Variants in ADCY9 observed in about 807,000 individuals in gnomAD.
ADCY9 encodes the protein adenylate cyclase 9.
ADCY9 carries 50 observed loss-of-function variants against 101.5 expected under a neutral mutation model. The ratio of observed to expected loss-of-function variants is 0.49; its 90% CI spans 0.39 to 0.62. ADCY9 has a LOEUF of 0.62. Among genes scored for constraint, ADCY9 ranks in the 20% least tolerant of loss-of-function variants. The pLI is 0.00. For synonymous variants in ADCY9, 905 were observed against 769.3 expected (o/e 1.18, Z -2.92); for missense variants, 1,662 against 1,800.4 (o/e 0.92, Z 1.39).
rs56822318 is a variant in ADCY9 at position 4,115,818 on chromosome 16, C to T, written c.-172G>A. 1,034 of 402,828 alleles carry T rather than the reference C, an allele frequency of 2.6e-3. 5 individuals carry two copies. The highest frequency in any genetic ancestry group is 0.018 in the African/African-American group (889 of 48,546). The allele number at this position is 402,828 out of a possible 1,614,324, so 25.0% of individuals were successfully genotyped here. A position where few individuals can be genotyped will look rare whatever the true frequency, so the allele number is the denominator to read the frequency against. On this transcript the variant is annotated 5_prime_UTR_variant, in exon 1 of 11. Transcript: ENST00000294016. This position sits in a 1 kb window ranked among gnomAD's most constrained non-coding sequence, Gnocchi z 6.2. ...GCGGCTTCTCCTCCTCGCGCGCTCGCCTCCTCCAGCTGCGGCTCCGGAGGG... is the reference window on the plus strand; with the variant it reads ...GCGGCTTCTCCTCCTCGCGCGCTCGTCTCCTCCAGCTGCGGCTCCGGAGGG...
At position 4,004,310 on chromosome 16, in the gene ADCY9, A is replaced by G. The variant is rs145266527; in HGVS notation, c.1884+3058T>C. On this transcript the variant is annotated intron_variant, in intron 3 of 10. Transcript: ENST00000294016. ...TTGGGTGTAGAAAGGGTTCCCTTTG[A>G]GCTATGACTTCAGGACCAAAGCCCT... Among the ~76,000 whole-genome samples, 76 of 149,898 alleles carry G rather than the reference A, an allele frequency of 5.1e-4. No individual in the cohort carries two copies. In the East Asian group the frequency reaches 0.015, roughly 29 times the overall value.
chr16:4,072,998 A>AAAG (rs1441975692), intron 2 of ADCY9, among the ~76,000 whole-genome samples: 1 of 72,322 alleles, frequency 1.4e-5, no homozygotes, highest in Non-Finnish European at 3.9e-5. Context: ...CTAAAAGAAA[A>AAAG]AAAAAAAAAA....
intron 2 of ADCY9, among the ~76,000 whole-genome samples, chr16:4,028,350 C>T (rs2056531794): frequency 6.6e-6 from 1 of 152,124 alleles, no homozygotes; most frequent in African/African-American, 2.4e-5. Flanking sequence ...GGGAATAATC[C>T]ACGTGTCCAG....
At chr16:4,012,690 C>T (rs921624585) in intron 2 of ADCY9, among the ~76,000 whole-genome samples, 3 of 152,070 alleles carry the variant, frequency 2.0e-5, no homozygotes, top group Non-Finnish European at 4.4e-5. Flanking sequence ...TGGCTGTGTG[C>T]GTGGAGGTTA....
In ADCY9 at chr16:3,991,901, T is replaced by C. The variant is rs1304112401; in HGVS notation, c.2207+245A>G. ...GCCTGGCCAACATGATGAAACTCCA[T>C]CTCTACTAAAAATACAAAACCTAGC... On this transcript the variant is annotated intron_variant, in intron 5 of 10. Coordinates refer to ENST00000294016, the MANE Select transcript of ADCY9 (RefSeq NM_001116.4). Among the ~76,000 whole-genome samples the C allele has an allele frequency of 2.0e-5, 3 of 149,742 alleles. No individual in the cohort carries two copies. In the Admixed American group the frequency reaches 2.0e-4, roughly 10 times the overall value.
At chr16:3,956,592 G>A (rs1295816586) in intron 5 of ADCY9, among the ~76,000 whole-genome samples, 1 of 145,410 alleles carries the variant, frequency 6.9e-6, no homozygotes, top group African/African-American at 2.6e-5. Flanking sequence ...CCAGGTTCAA[G>A]CGATTCTCCT....
intron 6 of ADCY9, among the ~76,000 whole-genome samples, chr16:3,987,891 C>G (rs765457216): frequency 6.6e-6 from 1 of 152,168 alleles, no homozygotes; most frequent in Non-Finnish European, 1.5e-5. Context: ...AGTCTGGAAG[C>G]CGCCAGGATT....
At chr16:4,095,531 C>A (rs947719976) in intron 2 of ADCY9, among the ~76,000 whole-genome samples, 1 of 152,268 alleles carries the variant, frequency 6.6e-6, no homozygotes. Context: ...CTTGCCAACA[C>A]AGTGAAATTC....
intron 2 of ADCY9, among the ~76,000 whole-genome samples, chr16:4,067,772 C>A (rs1052454439): frequency 2.0e-5 from 3 of 152,164 alleles, no homozygotes; most frequent in African/African-American, 7.2e-5. Context: ...GGACTGCAAC[C>A]TCCCAAACAC....
intron 2 of ADCY9, among the ~76,000 whole-genome samples, chr16:4,070,596 G>A (rs767128607): frequency 7.2e-5 from 11 of 151,908 alleles, no homozygotes; most frequent in East Asian, 1.9e-4. Flanking sequence ...CAGGAGGATC[G>A]CTTGAGTCCA....
intron 9 of ADCY9, among the ~76,000 whole-genome samples, chr16:3,975,784 T>C (rs1004242270): frequency 2.6e-5 from 4 of 152,182 alleles, no homozygotes; most frequent in African/African-American, 4.8e-5. Flanking sequence ...TAAGCAGTTA[T>C]AGGAAAAGCC....
chr16:3,992,154 T>C lies in ADCY9; in HGVS notation c.2199A>G (p.Lys733=), dbSNP rs1451352850. The C allele has an allele frequency of 6.2e-7, 1 of 1,614,108 alleles. No homozygotes were observed. ...GACAGCCCCAGTCGTACCTGTCTTC[T>C]TTGATAACGTCCACAAAGTGGGCGT... ...KTDAHFVDVI[K]EDSLMKDYFF... The change falls in exon 5 of 11, where the codon AAA becomes AAG. Residue 733 remains lysine, a synonymous_variant. Transcript: ENST00000294016. The surrounding 1 kb of genome is among the most constrained non-coding windows in gnomAD (Gnocchi z 4.2).
chr16:3,992,805 G>A lies in ADCY9; in HGVS notation c.1990-442C>T, dbSNP rs941096572. ...AGGCAAGGTGGATGGAAACGGGCTC[G>A]TGTCGTGGGTGTCCCCCGTGGCTGT... On this transcript the variant is annotated intron_variant, in intron 4 of 10. Transcript: ENST00000294016. The surrounding 1 kb of genome is among the most constrained non-coding windows in gnomAD (Gnocchi z 4.2). Among the ~76,000 whole-genome samples the A allele has an allele frequency of 2.0e-5, 3 of 152,160 alleles. No homozygotes were observed. Among genetic ancestry groups the A allele is most frequent in the South Asian group, 2.1e-4 (1 of 4,822 alleles).
intron 2 of ADCY9, among the ~76,000 whole-genome samples, chr16:4,099,241 G>GT (rs1054018679): frequency 7.2e-5 from 11 of 151,922 alleles, no homozygotes; most frequent in African/African-American, 9.7e-5. Flanking sequence ...CCTTTTTATT[G>GT]TTTTTTTATC....
chr16:4,080,192 A>G (rs74005716), intron 2 of ADCY9, among the ~76,000 whole-genome samples: 6,286 of 152,216 alleles, frequency 0.041, 454 homozygotes, highest in African/African-American at 0.14. Context: ...AACAAAGAAA[A>G]AAATTACCAC....
chr16:3,989,381 GTT>G (rs1344875174), intron 5 of ADCY9, among the ~76,000 whole-genome samples: 1 of 147,804 alleles, frequency 6.8e-6, no homozygotes. Flanking sequence ...GTTTTTTGGG[GTT>G]TTTTTTTTTT....
At chr16:3,971,251 ACT>A (rs2056049066) in intron 10 of ADCY9, among the ~76,000 whole-genome samples, 1 of 151,642 alleles carries the variant, frequency 6.6e-6, no homozygotes, top group Admixed American at 6.6e-5. Context: ...ATCCCGTGTG[ACT>A]CTACCGGGAG....
At chr16:4,103,669 T>C (rs1021803966) in intron 2 of ADCY9, among the ~76,000 whole-genome samples, 2 of 151,904 alleles carry the variant, frequency 1.3e-5, no homozygotes, top group Non-Finnish European at 2.9e-5. Flanking sequence ...GTCTCTACCA[T>C]AAAGACAAAA....
intron 2 of ADCY9, among the ~76,000 whole-genome samples, chr16:4,065,329 C>T (rs1024625601): frequency 6.6e-6 from 1 of 152,154 alleles, no homozygotes. Flanking sequence ...CTAACGCTGG[C>T]CGAAAGGGAA....
Sources: gnomAD v4.1 joint callset for allele counts (sites outside exome capture counted in the v4.1 genomes callset) on GRCh38, gnomAD v4.1.1 for gene constraint, Gnocchi (gnomAD v3.1) non-coding constraint, MANE v1.5 for transcripts, NCBI Gene and HGNC (gene_info 2026-07-23, HGNC 2026-07-21) for gene names.